The following DYNC1I1 variants were observed in gnomAD, a reference collection of about 807,000 sequenced individuals.
DYNC1I1 encodes the protein cytoplasmic dynein 1 intermediate chain 1.
In DYNC1I1, 43 loss-of-function variants were observed where a neutral mutation model predicts 86.6. The observed-to-expected ratio is 0.50, with a 90% CI of 0.39 to 0.64. The LOEUF (loss-of-function observed/expected upper bound fraction) is 0.64, where lower values mean the gene tolerates loss of function less well. Ranked by LOEUF, DYNC1I1 falls within the 30% of genes least tolerant of loss-of-function variation. The pLI, the probability that DYNC1I1 is intolerant of heterozygous loss-of-function variation, is 0.00. For missense variants in DYNC1I1, 604 were observed against 788.8 expected, an observed-to-expected ratio of 0.77 and a Z score of 2.81; for synonymous variants, 262 against 283.7, an observed-to-expected ratio of 0.92 and a Z score of 0.77.
chr7:95,905,561 G>A (rs1204669153), intron 6 of DYNC1I1, among the ~76,000 whole-genome samples: 1 of 152,092 alleles, frequency 6.6e-6, no homozygotes, highest in Non-Finnish European at 1.5e-5. Context: ...CCTGACCTAT[G>A]TCTCAAACTC....
chr7:95,953,754 G>A (rs74615911), intron 6 of DYNC1I1, among the ~76,000 whole-genome samples: 128 of 152,270 alleles, frequency 8.4e-4, no homozygotes, highest in African/African-American at 2.9e-3. Flanking sequence ...GCAGTTTGCC[G>A]TTCTTGCTAG....
rs1462682863 is a variant in DYNC1I1, at chr7:95,943,164, C to T, written c.491-34348C>T. ...AAAATCTCCTTAAGCTGATAAGCAA[C>T]TTCAGCAAAGTCTCAGGATACAAAA... is the stretch of plus-strand genomic sequence containing the variant. On this transcript the variant is annotated intron_variant, in intron 6 of 16. Transcript: ENST00000447467. Among the ~76,000 whole-genome samples, 15 of 151,128 alleles carry T rather than the reference C, an allele frequency of 9.9e-5. No individual in the cohort carries two copies. The East Asian group carries it at 2.4e-3, about 24-fold the overall frequency.
intron 3 of DYNC1I1, among the ~76,000 whole-genome samples, chr7:95,812,653 A>G (rs949210378): frequency 1.3e-5 from 2 of 152,168 alleles, no homozygotes; most frequent in Admixed American, 6.6e-5. Flanking sequence ...TTGTTTTGAA[A>G]GAGACTTTTT....
chr7:95,867,442 G>C (rs1202977983), intron 5 of DYNC1I1, among the ~76,000 whole-genome samples: 4 of 152,166 alleles, frequency 2.6e-5, no homozygotes, highest in Non-Finnish European at 1.5e-5. Flanking sequence ...CTACCATTCA[G>C]CTGTATGTTC....
chr7:96,016,367 A>C (rs995366030), intron 10 of DYNC1I1, among the ~76,000 whole-genome samples: 25 of 151,052 alleles, frequency 1.7e-4, no homozygotes, highest in Non-Finnish European at 1.5e-5. Context: ...TAATGATCTA[A>C]TGTGGGCTAG....
At chr7:95,995,543 A>G (rs951048463) in intron 9 of DYNC1I1, among the ~76,000 whole-genome samples, 2 of 152,240 alleles carry the variant, frequency 1.3e-5, no homozygotes, top group African/African-American at 4.8e-5. Context: ...CCACTGGAGT[A>G]GATGAACTTA....
intron 4 of DYNC1I1, among the ~76,000 whole-genome samples, chr7:95,819,487 C>T (rs1184297877): frequency 2.0e-5 from 3 of 151,998 alleles, no homozygotes; most frequent in African/African-American, 7.2e-5. Flanking sequence ...CTATGTAGGC[C>T]TCAAAGGACT....
At chr7:95,835,275 A>G (rs1429651887) in intron 5 of DYNC1I1, among the ~76,000 whole-genome samples, 1 of 109,410 alleles carries the variant, frequency 9.1e-6, no homozygotes, top group Non-Finnish European at 1.8e-5. Flanking sequence ...CATGTAGTTG[A>G]GCGGTTTTGA....
chr7:96,060,960 G>T (rs577369698), intron 14 of DYNC1I1, among the ~76,000 whole-genome samples: 6 of 152,212 alleles, frequency 3.9e-5, no homozygotes, highest in Non-Finnish European at 8.8e-5. Flanking sequence ...AATGGCTGAG[G>T]CTGGAGAAAA....
chr7:95,832,190 T>C (rs1788927331), intron 5 of DYNC1I1, among the ~76,000 whole-genome samples: 1 of 116,686 alleles, frequency 8.6e-6, no homozygotes, highest in Non-Finnish European at 1.7e-5. Flanking sequence ...CATTGTTCAA[T>C]TCCCACCTAT....
At chr7:95,927,211 C>G (rs990275747) in intron 6 of DYNC1I1, among the ~76,000 whole-genome samples, 3 of 152,134 alleles carry the variant, frequency 2.0e-5, no homozygotes, top group African/African-American at 7.2e-5. Context: ...TTAATGAACT[C>G]TGCAACCATT....
chr7:96,108,860 C>CAAAA (rs201915898), intron 16 of DYNC1I1, among the ~76,000 whole-genome samples: 1 of 79,580 alleles, frequency 1.3e-5, no homozygotes, highest in African/African-American at 4.7e-5. Flanking sequence ...GACTCTGTCT[C>CAAAA]AAAAAAAAAA....
chr7:96,088,656 C>T (rs994763148), intron 16 of DYNC1I1, among the ~76,000 whole-genome samples: 17 of 152,004 alleles, frequency 1.1e-4, no homozygotes, highest in Non-Finnish European at 5.9e-5. Context: ...GAGATTAACC[C>T]GGGCCTGTAC....
intron 5 of DYNC1I1, among the ~76,000 whole-genome samples, chr7:95,857,920 G>C (rs1295084363): frequency 6.6e-6 from 1 of 152,170 alleles, no homozygotes; most frequent in African/African-American, 2.4e-5. Flanking sequence ...GTCACATCTA[G>C]CCTTTTCTTT....
intron 14 of DYNC1I1, among the ~76,000 whole-genome samples, chr7:96,060,874 A>T (rs1444975578): frequency 1.3e-5 from 2 of 152,190 alleles, no homozygotes; most frequent in African/African-American, 4.8e-5. Flanking sequence ...GGAAGAGTGT[A>T]TTTAAATACT....
At chr7:95,955,008 C>T (rs1270329044) in intron 6 of DYNC1I1, among the ~76,000 whole-genome samples, 2 of 150,776 alleles carry the variant, frequency 1.3e-5, no homozygotes, top group African/African-American at 4.9e-5. Context: ...CAGTGCTATG[C>T]AACATGTGCT....
intron 5 of DYNC1I1, among the ~76,000 whole-genome samples, chr7:95,845,351 T>TTC (rs1355368251): frequency 2.0e-5 from 3 of 152,174 alleles, no homozygotes; most frequent in Admixed American, 2.0e-4. Flanking sequence ...TTACAGAAAA[T>TTC]CTAACTAGGA....
At chr7:95,981,671 G>C (rs1197361523) in intron 7 of DYNC1I1, among the ~76,000 whole-genome samples, 1 of 151,912 alleles carries the variant, frequency 6.6e-6, no homozygotes, top group East Asian at 1.9e-4. Context: ...ACAAAGTATT[G>C]TTAGCTGCCA....
At position 96,071,456 on chromosome 7, in the gene DYNC1I1, G is replaced by A. The variant is rs115390923; in HGVS notation, c.1510-4601G>A. On this transcript the variant is annotated intron_variant, in intron 14 of 16. Transcript: ENST00000447467. ...ATTTCCCAAGGTCTGTAGTTTTCCA[G>A]TTTCTCCCATTACCTTTTCTGCTCC... 3.7e-3 allele frequency among the ~76,000 whole-genome samples: 568 copies of A among 152,266 alleles called. 4 individuals are homozygous for A. Among genetic ancestry groups the A allele is most frequent in the African/African-American group, 0.013 (530 of 41,532 alleles).
Sources: allele counts gnomAD v4.1 joint callset (sites outside exome capture counted in the v4.1 genomes callset), GRCh38; gene constraint gnomAD v4.1.1; transcripts MANE v1.5; gene names NCBI Gene and HGNC (gene_info 2026-07-23, HGNC 2026-07-21).